CBX5: variants seen among roughly 807,000 people sequenced by gnomAD.
CBX5 encodes the protein chromobox protein homolog 5.
In CBX5, 7 loss-of-function variants were observed where a neutral mutation model predicts 20.7. The observed-to-expected ratio is 0.34, with a 90% CI of 0.19 to 0.63. The LOEUF (loss-of-function observed/expected upper bound fraction) is 0.63. Among genes scored for constraint, CBX5 ranks in the 30% least tolerant of loss-of-function variants. CBX5 has a pLI of 0.75. For missense variants in CBX5, 110 were observed against 224.1 expected, an observed-to-expected ratio of 0.49 and a Z score of 3.25; for synonymous variants, 78 against 77.0, an observed-to-expected ratio of 1.01 and a Z score of -0.07.
intron 4 of CBX5, 39 bp from the exon 5 acceptor site, chr12:54,241,944 A>G (rs754431890): frequency 2.5e-6 from 4 of 1,592,452 alleles, no homozygotes; most frequent in Non-Finnish European, 3.4e-6. Context: ...GGAGAGGAAG[A>G]GTGAAAGAAT....
At chr12:54,270,717 T>G (rs924825103) in intron 1 of CBX5, among the ~76,000 whole-genome samples, 2 of 152,210 alleles carry the variant, frequency 1.3e-5, no homozygotes, top group African/African-American at 4.8e-5. Context: ...CTTGATGTCT[T>G]TGTTACTGAT....
At chr12:54,279,363 T>C (rs1944105560) in intron 1 of CBX5, among the ~76,000 whole-genome samples, 1 of 151,976 alleles carries the variant, frequency 6.6e-6, no homozygotes, top group Non-Finnish European at 1.5e-5. Flanking sequence ...GGAAAAATGC[T>C]CAAGTCGAGG....
chr12:54,244,930 T>C (rs1943718935), intron 4 of CBX5, among the ~76,000 whole-genome samples: 2 of 152,062 alleles, frequency 1.3e-5, no homozygotes, highest in Admixed American at 1.3e-4. Context: ...TAGCCCAGGA[T>C]CACAGGCCCA....
At chr12:54,252,706 C>T (rs578131692) in intron 2 of CBX5, among the ~76,000 whole-genome samples, 5 of 152,156 alleles carry the variant, frequency 3.3e-5, no homozygotes, top group East Asian at 1.9e-4. Context: ...GCAGATCAGC[C>T]GGGCACGGTG....
At chr12:54,247,381 G>T (rs775964287) in intron 3 of CBX5, among the ~76,000 whole-genome samples, 11 of 152,130 alleles carry the variant, frequency 7.2e-5, no homozygotes, top group Non-Finnish European at 1.2e-4. Context: ...CTGCAAATTA[G>T]CTGGGCACAG....
At chr12:54,268,480 ATG>A (rs1943978438) in intron 1 of CBX5, among the ~76,000 whole-genome samples, 1 of 152,220 alleles carries the variant, frequency 6.6e-6, no homozygotes, top group Non-Finnish European at 1.5e-5. Flanking sequence ...GAGTGTTTTG[ATG>A]TGTTACATGA....
chr12:54,240,588 G>GTCCC lies in CBX5; in HGVS notation c.*1166_*1167insGGGA, dbSNP rs2137008220. 6.6e-6 allele frequency: 1 copy of GTCCC among 152,170 alleles called. No individual in the cohort carries two copies. The highest frequency in any genetic ancestry group is 1.5e-5 in the Non-Finnish European group (1 of 67,996). The allele number at this position is 152,170 out of a possible 1,614,324, so 9.4% of individuals were successfully genotyped here. On this transcript the variant is annotated 3_prime_UTR_variant, in exon 5 of 5. Coordinates refer to ENST00000209875, the MANE Select transcript of CBX5 (RefSeq NM_012117.3). ...AGTTTGAGGGTAGAAAAAGGGAAGA[G>GTCCC]CATTAATATTTTGGGGACTCTTGGT...
intron 3 of CBX5, among the ~76,000 whole-genome samples, chr12:54,246,775 C>T (rs189106755): frequency 1.4e-4 from 19 of 134,672 alleles, no homozygotes; most frequent in South Asian, 2.3e-4. Flanking sequence ...AGCAAGACTC[C>T]GTCTCAAAAA....
At chr12:54,249,966 T>C (rs1943776789) in intron 3 of CBX5, among the ~76,000 whole-genome samples, 2 of 152,194 alleles carry the variant, frequency 1.3e-5, no homozygotes, top group South Asian at 4.1e-4. Flanking sequence ...CTCACACCTG[T>C]AATCCCAACA....
intron 1 of CBX5, among the ~76,000 whole-genome samples, chr12:54,274,889 G>A (rs1246280470): frequency 5.3e-5 from 8 of 151,940 alleles, no homozygotes; most frequent in African/African-American, 1.9e-4. Flanking sequence ...GCAGTGAGCC[G>A]AGATCACGCC....
chr12:54,244,226 G>C (rs1368261719), intron 4 of CBX5, among the ~76,000 whole-genome samples: 1 of 150,138 alleles, frequency 6.7e-6, no homozygotes, highest in Non-Finnish European at 1.5e-5. Flanking sequence ...GGATGGTCTT[G>C]ATCTCCTGAC....
chr12:54,244,264 G>A (rs895270083), intron 4 of CBX5, among the ~76,000 whole-genome samples: 8 of 150,976 alleles, frequency 5.3e-5, no homozygotes, highest in Non-Finnish European at 7.4e-5. Context: ...TCGGCGTCTC[G>A]GCCTCCCAAA....
At chr12:54,254,046 T>C (rs1943838796) in intron 2 of CBX5, among the ~76,000 whole-genome samples, 1 of 152,106 alleles carries the variant, frequency 6.6e-6, no homozygotes, top group Non-Finnish European at 1.5e-5. Flanking sequence ...CCACCGCATC[T>C]AGCCTGAATT....
rs138329947 is a variant in CBX5, at chr12:54,231,754, T to C, written c.*10001A>G. On this transcript the variant is annotated 3_prime_UTR_variant, in exon 5 of 5. Coordinates refer to ENST00000209875, the MANE Select transcript of CBX5 (RefSeq NM_012117.3). The stretch of plus-strand genomic sequence containing the variant: ...AAGAGATGACAGATGTTGAATACGG[T>C]GAATGGGATGAAGCTTTAAGGATCA... 7.2e-5 allele frequency: 11 copies of C among 152,338 alleles called. No individual in the cohort carries two copies. Among genetic ancestry groups the C allele is most frequent in the African/African-American group, 2.4e-4 (10 of 41,556 alleles). 9.4% of individuals were successfully genotyped at this position (152,338 alleles called of 1,614,324 possible).
chr12:54,270,506 C>G (rs774618724), intron 1 of CBX5, among the ~76,000 whole-genome samples: 57 of 152,190 alleles, frequency 3.7e-4, no homozygotes, highest in Non-Finnish European at 7.1e-4. Context: ...CTCCTGAGCT[C>G]AAGTGATCCT....
At chr12:54,278,379 A>G (rs1202328502) in intron 1 of CBX5, among the ~76,000 whole-genome samples, 2 of 152,184 alleles carry the variant, frequency 1.3e-5, no homozygotes, top group Non-Finnish European at 2.9e-5. Flanking sequence ...TTACTAGCAT[A>G]CCTACAAATA....
At chr12:54,268,436 G>C (rs1011236409) in intron 1 of CBX5, among the ~76,000 whole-genome samples, 2 of 152,188 alleles carry the variant, frequency 1.3e-5, no homozygotes, top group Non-Finnish European at 2.9e-5. Flanking sequence ...ATGCTAAAGG[G>C]ATGGGCAATC....
At chr12:54,279,866 T>G (rs1944117368) in intron 1 of CBX5, 142 bp downstream of exon 1, 1 of 151,880 alleles carries the variant, frequency 6.6e-6, no homozygotes, top group East Asian at 1.9e-4. Flanking sequence ...TCCCGCCCCC[T>G]GTTCTTCTAT....
At chr12:54,257,417 G>A (rs1943871145) in intron 2 of CBX5, 97 bp downstream of exon 2, 1 of 1,278,720 alleles carries the variant, frequency 7.8e-7, no homozygotes, top group Non-Finnish European at 1.1e-6. Context: ...GCAGGAGGGG[G>A]AAGAAAAAGA....
Sources: gnomAD v4.1 joint callset for allele counts (sites outside exome capture counted in the v4.1 genomes callset) on GRCh38, gnomAD v4.1.1 for gene constraint, MANE v1.5 for transcripts, NCBI Gene and HGNC (gene_info 2026-07-23, HGNC 2026-07-21) for gene names.